ASCC1: variants seen among roughly 807,000 people sequenced by gnomAD.
ASCC1 encodes ASC-1 complex subunit P50.
Under a neutral mutation model 46.6 loss-of-function variants are expected in ASCC1, and 35 were observed. The observed-to-expected ratio is 0.75, with a 90% CI of 0.57 to 0.99. The LOEUF is 0.99. ASCC1 is among the 50% of genes least tolerant of loss of function. The pLI is 0.00. For missense variants in ASCC1, 376 were observed against 428.7 expected (o/e 0.88, Z 1.09); for synonymous variants, 143 against 146.6 (o/e 0.98, Z 0.18).
At position 72,096,049 on chromosome 10, in the gene ASCC1, T is replaced by C; in HGVS notation, c.*1285A>G. 2.3e-6 allele frequency: 1 copy of C among 442,856 alleles called. No homozygotes were observed. The highest frequency in any genetic ancestry group is 1.6e-5 in the South Asian group (1 of 63,450). 27.4% of individuals were successfully genotyped at this position (442,856 alleles called of 1,614,324 possible). On this transcript the variant is annotated 3_prime_UTR_variant, in exon 10 of 10. Coordinates refer to ENST00000672957, the MANE Select transcript of ASCC1 (RefSeq NM_001198800.3). ...AACAGAAACACCGTTAAACATTTTA[T>C]TCACAAGTGATTTGTGCAGTCCCAA...
chr10:72,184,730 G>A (rs1184733236), intron 5 of ASCC1, among the ~76,000 whole-genome samples: 2 of 151,526 alleles, frequency 1.3e-5, no homozygotes, highest in Admixed American at 6.6e-5. Flanking sequence ...TGGATACAGA[G>A]GTTGCAGTGA....
intron 9 of ASCC1, among the ~76,000 whole-genome samples, chr10:72,099,404 A>G (rs1841456363): frequency 6.6e-6 from 1 of 152,230 alleles, no homozygotes. Context: ...CAGGCTGTGG[A>G]AAGAGTGCTG....
At chr10:72,196,696 T>A in intron 5 of ASCC1, 115 bp downstream of exon 5, 1 of 1,071,732 alleles carries the variant, frequency 9.3e-7, no homozygotes. Flanking sequence ...GAAATAGTTA[T>A]CTTTTTTGGT....
chr10:72,195,707 G>A (rs1302163313), intron 5 of ASCC1, among the ~76,000 whole-genome samples: 1 of 151,908 alleles, frequency 6.6e-6, no homozygotes, highest in Non-Finnish European at 1.5e-5. Context: ...GGTGGCGCAT[G>A]CCTGTAATCC....
chr10:72,147,279 A>G (rs1405670230), intron 7 of ASCC1, among the ~76,000 whole-genome samples: 1 of 151,652 alleles, frequency 6.6e-6, no homozygotes, highest in East Asian at 1.9e-4. Flanking sequence ...TTTGTGATGG[A>G]GTTTCGTTCT....
chr10:72,214,366 TC>T (rs1412213818), intron 1 of ASCC1, among the ~76,000 whole-genome samples: 17 of 141,966 alleles, frequency 1.2e-4, no homozygotes, highest in African/African-American at 2.4e-4. Context: ...GCACAATATC[TC>T]TTTTTTTTTT....
At chr10:72,186,998 C>T (rs559118050) in intron 5 of ASCC1, among the ~76,000 whole-genome samples, 184 of 150,032 alleles carry the variant, frequency 1.2e-3, no homozygotes, top group Non-Finnish European at 1.9e-3. Context: ...TTGTCTTATA[C>T]CTGGTATTTG....
At position 72,096,972 on chromosome 10, in the gene ASCC1, G is replaced by A; in HGVS notation, c.*362C>T. The A allele has an allele frequency of 2.2e-6, 1 of 454,970 alleles. No homozygotes were observed. The allele number at this position is 454,970 out of a possible 1,614,324, so 28.2% of individuals were successfully genotyped here. On this transcript the variant is annotated 3_prime_UTR_variant, in exon 10 of 10. Transcript: ENST00000672957. ...TACAAGCTGAGAAGCCTATGGAGATGGACGGCGGTGACGGCCACACAGCAT... is the reference window on the plus strand; with the variant it reads ...TACAAGCTGAGAAGCCTATGGAGATAGACGGCGGTGACGGCCACACAGCAT...
chr10:72,146,827 T>C (rs1009954386), intron 7 of ASCC1, among the ~76,000 whole-genome samples: 4 of 152,134 alleles, frequency 2.6e-5, no homozygotes, highest in Non-Finnish European at 4.4e-5. Context: ...GAATCTTTGA[T>C]TTAAAATACT....
At chr10:72,149,195 T>C (rs1425575664) in intron 7 of ASCC1, among the ~76,000 whole-genome samples, 4 of 151,702 alleles carry the variant, frequency 2.6e-5, no homozygotes, top group Non-Finnish European at 5.9e-5. Context: ...TCCCAGCACT[T>C]TGGGAGGCCA....
At position 72,216,260 on chromosome 10, in the gene ASCC1, A is replaced by G. The variant is rs1288791389; in HGVS notation, c.-87T>C. ...AGGAGGAGAAACAGGAGACTGCTGC[A>G]GCAGACGTGCGATAGGAAATTTCCC... is the stretch of plus-strand genomic sequence containing the variant. On this transcript the variant is annotated 5_prime_UTR_variant, in exon 1 of 10. Transcript: ENST00000672957. 1.9e-5 allele frequency: 3 copies of G among 159,420 alleles called. No individual in the cohort carries two copies. Among genetic ancestry groups the G allele is most frequent in the African/African-American group, 4.8e-5 (2 of 41,618 alleles). The allele number at this position is 159,420 out of a possible 1,614,324, so 9.9% of individuals were successfully genotyped here.
At chr10:72,165,102 A>G (rs562448707) in intron 5 of ASCC1, among the ~76,000 whole-genome samples, 1 of 150,852 alleles carries the variant, frequency 6.6e-6, no homozygotes, top group Non-Finnish European at 1.5e-5. Context: ...AACAAGAAAA[A>G]AAAAGTTGAA....
intron 5 of ASCC1, among the ~76,000 whole-genome samples, chr10:72,186,130 GTAATA>G (rs1372363897): frequency 1.3e-5 from 2 of 151,304 alleles, no homozygotes; most frequent in East Asian, 1.9e-4. Flanking sequence ...AATTAAAAAA[GTAATA>G]TAATATAAAA....
chr10:72,126,776 G>A (rs891617368), intron 9 of ASCC1, among the ~76,000 whole-genome samples: 56 of 152,276 alleles, frequency 3.7e-4, no homozygotes, highest in African/African-American at 1.2e-3. Flanking sequence ...ATATCACACC[G>A]AAGCTGTAGC....
intron 2 of ASCC1, chr10:72,212,047 G>A (rs570326619): frequency 5.9e-5 from 9 of 153,416 alleles, no homozygotes; most frequent in African/African-American, 2.2e-4. Context: ...AGCCAGGTGT[G>A]GTGGCAGGCA....
chr10:72,096,607 T>C lies in ASCC1; in HGVS notation c.*727A>G, dbSNP rs908990634. The stretch of plus-strand genomic sequence containing the variant: ...TTAAAGGCAGAGTCTCAAAGAGATA[T>C]TTGCACCCCCGTGTCTGTATTAGCA... On this transcript the variant is annotated 3_prime_UTR_variant, in exon 10 of 10. Transcript: ENST00000672957. The C allele has an allele frequency of 1.1e-5, 5 of 453,600 alleles. No homozygotes were observed. Among genetic ancestry groups the C allele is most frequent in the African/African-American group, 2.0e-5 (1 of 50,000 alleles). 28.1% of individuals were successfully genotyped at this position (453,600 alleles called of 1,614,324 possible).
intron 9 of ASCC1, among the ~76,000 whole-genome samples, chr10:72,110,319 G>C (rs2132006011): frequency 6.6e-6 from 1 of 152,300 alleles, no homozygotes; most frequent in East Asian, 1.9e-4. Context: ...GGAGTACACA[G>C]GGGACAGCAA....
rs1277945024 is a variant in ASCC1 at position 72,152,893 on chromosome 10, A to G, written c.722T>C (p.Val241Ala). ...CCTGTTGGAGCCATCTTTCATATGG[A>G]CTTTGGCGTAAAGAACATCCACCAT... ...PGMVDVLYAK[V>A]HMKDGSNRLQ... The change falls in exon 7 of 10, where the codon GTC becomes GCC. Residue 241 changes from valine (V) to alanine (A), a missense_variant. By Grantham distance (64) the Val-to-Ala change is moderately conservative. Transcript: ENST00000672957. 1.2e-6 allele frequency: 2 copies of G among 1,614,144 alleles called. No individual in the cohort carries two copies. The highest frequency in any genetic ancestry group is 2.2e-5 in the South Asian group (2 of 91,084).
At chr10:72,148,541 C>T (rs1358519334) in intron 7 of ASCC1, among the ~76,000 whole-genome samples, 1 of 152,126 alleles carries the variant, frequency 6.6e-6, no homozygotes, top group Non-Finnish European at 1.5e-5. Flanking sequence ...TATTAAAATT[C>T]GAGCTTTCAA....
Sources: allele counts gnomAD v4.1 joint callset (sites outside exome capture counted in the v4.1 genomes callset), GRCh38; gene constraint gnomAD v4.1.1; transcripts MANE v1.5; gene names NCBI Gene and HGNC (gene_info 2026-07-23, HGNC 2026-07-21).